The following FOXP1 variants were observed in gnomAD, a reference collection of about 807,000 sequenced individuals.
FOXP1 encodes forkhead box P1, also known as forkhead box protein P1.
Under a neutral mutation model 98.2 loss-of-function variants are expected in FOXP1, and 15 were observed. The ratio of observed to expected loss-of-function variants is 0.15; its 90% CI spans 0.10 to 0.24. FOXP1 has a LOEUF of 0.24. Ranked by LOEUF, FOXP1 falls within the 10% of genes least tolerant of loss-of-function variation. The probability of loss-of-function intolerance (pLI) is 1.00; values close to 1 mark genes in which losing one functional copy is unlikely to be tolerated. For missense variants in FOXP1, 633 were observed against 848.5 expected (o/e 0.75, Z 3.15); for synonymous variants, 371 against 314.5 (o/e 1.18, Z -1.90).
intron 5 of FOXP1, among the ~76,000 whole-genome samples, chr3:71,258,629 AG>A (rs2068836940): frequency 6.6e-6 from 1 of 152,202 alleles, no homozygotes; most frequent in Non-Finnish European, 1.5e-5. Context: ...AGGCAAGGAC[AG>A]GAAGGGCAGA....
In FOXP1 at chr3:70,956,758, TTTTTTTTTTTTTTTTA is replaced by T. The variant is rs2031924958; in HGVS notation, c.*2473_*2488del. The T allele has an allele frequency of 5.2e-6, 1 of 191,390 alleles. No homozygotes were observed. The highest frequency in any genetic ancestry group is 2.8e-5 in the African/African-American group (1 of 36,194). 11.9% of individuals were successfully genotyped at this position (191,390 alleles called of 1,614,324 possible). A position where few individuals can be genotyped will look rare whatever the true frequency, so the allele number is the denominator to read the frequency against. On this transcript the variant is annotated 3_prime_UTR_variant, in exon 21 of 21. Transcript: ENST00000649528. The stretch of plus-strand genomic sequence containing the variant: ...TTTTTTTTTTTTTTTTTTTTTTTTT[TTTTTTTTTTTTTTTTA>T]AAGTCTTGCGTGACCACAGACTGCC...
Position 71,397,017 on chromosome 3 carries a change from T to TAC in FOXP1, c.-167-37774_-167-37773insGT, listed in dbSNP as rs1560425135. Among the ~76,000 whole-genome samples, 28 of 89,304 alleles carry TAC rather than the reference T, an allele frequency of 3.1e-4. 1 individual carries two copies. Among genetic ancestry groups the TAC allele is most frequent in the Non-Finnish European group, 6.1e-4 (28 of 46,216 alleles). The allele number at this position is 89,304 out of a possible 152,430, so 58.6% of individuals were successfully genotyped here. On this transcript the variant is annotated intron_variant, in intron 3 of 20. Transcript: ENST00000649528. ...ATACACATATATATGTGTATATATA[T>TAC]ATATATACATATATATGTGTATATA...
chr3:71,051,294 T>C (rs548770263), intron 9 of FOXP1, among the ~76,000 whole-genome samples: 2 of 152,296 alleles, frequency 1.3e-5, no homozygotes, highest in East Asian at 3.9e-4. Context: ...AGCATTTTCA[T>C]TAAAACACCT....
intron 10 of FOXP1, among the ~76,000 whole-genome samples, chr3:71,043,741 T>C (rs891899285): frequency 1.3e-5 from 2 of 152,194 alleles, no homozygotes; most frequent in African/African-American, 4.8e-5. Context: ...TCCTAACAAC[T>C]GTGTTAACTC....
At chr3:71,277,808 TTTAA>T (rs1391021456) in intron 5 of FOXP1, among the ~76,000 whole-genome samples, 9 of 152,282 alleles carry the variant, frequency 5.9e-5, no homozygotes, top group Non-Finnish European at 8.8e-5. Context: ...GGAGTATTTA[TTTAA>T]TTAATTAATT....
chr3:71,440,493 T>C (rs1052437676), intron 3 of FOXP1, among the ~76,000 whole-genome samples: 3 of 152,062 alleles, frequency 2.0e-5, no homozygotes, highest in East Asian at 3.9e-4. Context: ...CTGGCTGATA[T>C]GGTGAAACCC....
intron 6 of FOXP1, among the ~76,000 whole-genome samples, chr3:71,160,036 A>G (rs1350195025): frequency 6.6e-6 from 1 of 152,238 alleles, no homozygotes; most frequent in Non-Finnish European, 1.5e-5. Flanking sequence ...AGAGGCATTT[A>G]CTGCAGAAGG....
intron 4 of FOXP1, among the ~76,000 whole-genome samples, chr3:71,341,963 G>A (rs1383605589): frequency 1.3e-5 from 2 of 152,202 alleles, no homozygotes; most frequent in Non-Finnish European, 2.9e-5. Flanking sequence ...TGAGGAAACT[G>A]AGATCACATA....
At chr3:71,018,443 C>T (rs996507210) in intron 11 of FOXP1, among the ~76,000 whole-genome samples, 2 of 152,158 alleles carry the variant, frequency 1.3e-5, no homozygotes, top group African/African-American at 4.8e-5. Flanking sequence ...CTTGTTTTCA[C>T]AAGTTCACAT....
At chr3:71,139,632 A>C (rs2059973540) in intron 6 of FOXP1, among the ~76,000 whole-genome samples, 1 of 147,964 alleles carries the variant, frequency 6.8e-6, no homozygotes, top group Admixed American at 6.6e-5. Flanking sequence ...TTCAAGCCCC[A>C]CTGACTTCTG....
chr3:71,018,453 T>G (rs1444576963), intron 11 of FOXP1, among the ~76,000 whole-genome samples: 1 of 152,210 alleles, frequency 6.6e-6, no homozygotes, highest in Non-Finnish European at 1.5e-5. Flanking sequence ...CAAGTTCACA[T>G]ATTAAACTGC....
rs2032306428 is a variant in FOXP1, at chr3:70,958,219, A to G, written c.*1028T>C. On this transcript the variant is annotated 3_prime_UTR_variant, in exon 21 of 21. Transcript: ENST00000649528. ...TGCAAAAAAAAAAAAAGAAAAGAAA[A>G]GAAAAAAAGAAAATCCGAAACACCC... 1 of 475,828 alleles carries G rather than the reference A, an allele frequency of 2.1e-6. No individual in the cohort carries two copies. The allele number at this position is 475,828 out of a possible 1,614,324, so 29.5% of individuals were successfully genotyped here.
chr3:71,391,358 C>T (rs959804554), intron 3 of FOXP1, among the ~76,000 whole-genome samples: 8 of 152,222 alleles, frequency 5.3e-5, no homozygotes, highest in African/African-American at 1.9e-4. Context: ...CAAAGACTGC[C>T]TTTCTTTCCA....
chr3:71,354,165 A>T (rs76356130), intron 4 of FOXP1, among the ~76,000 whole-genome samples: 2 of 151,340 alleles, frequency 1.3e-5, no homozygotes, highest in South Asian at 2.1e-4. Flanking sequence ...AAAAAAAAAA[A>T]ATACTAGGGA....
chr3:70,997,151 G>A (rs909256304), intron 13 of FOXP1, among the ~76,000 whole-genome samples: 1 of 152,204 alleles, frequency 6.6e-6, no homozygotes, highest in Admixed American at 6.5e-5. Context: ...CCAGTCAGTG[G>A]CTGAGAGAAC....
At chr3:71,320,990 C>A (rs1034363865) in intron 4 of FOXP1, among the ~76,000 whole-genome samples, 8 of 151,944 alleles carry the variant, frequency 5.3e-5, no homozygotes, top group Non-Finnish European at 1.0e-4. Context: ...TGATACAGTG[C>A]AAAGGAAATA....
chr3:71,312,454 A>C (rs2074760498), intron 4 of FOXP1, among the ~76,000 whole-genome samples: 1 of 152,248 alleles, frequency 6.6e-6, no homozygotes, highest in Non-Finnish European at 1.5e-5. Context: ...TGCTTACTTC[A>C]TTAAAGGTGG....
chr3:71,404,120 CTTTTTTT>C lies in FOXP1; in HGVS notation c.-167-44883_-167-44877del, dbSNP rs869086663. Among the ~76,000 whole-genome samples the C allele has an allele frequency of 2.1e-4, 13 of 62,712 alleles. No individual in the cohort carries two copies. In the South Asian group the frequency reaches 2.5e-3, roughly 12 times the overall value. The allele number at this position is 62,712 out of a possible 152,430, so 41.1% of individuals were successfully genotyped here. On this transcript the variant is annotated intron_variant, in intron 3 of 20. Transcript: ENST00000649528. Reference sequence around the variant, plus strand: ...ATTGGGGTTTTTTTCTTTTCTTTTTCTTTTTTTTTTTTTTTTTTTTTTTTGAGATGGA... The same window carrying C: ...ATTGGGGTTTTTTTCTTTTCTTTTTCTTTTTTTTTTTTTTTTTGAGATGGA...
intron 2 of FOXP1, among the ~76,000 whole-genome samples, chr3:71,524,677 T>A (rs1578005867): frequency 6.6e-6 from 1 of 152,176 alleles, no homozygotes; most frequent in East Asian, 1.9e-4. Flanking sequence ...ACATGCAGGC[T>A]AGGAAGACAA....
Sources: allele counts gnomAD v4.1 joint callset (sites outside exome capture counted in the v4.1 genomes callset), GRCh38; gene constraint gnomAD v4.1.1; transcripts MANE v1.5; gene names NCBI Gene and HGNC (gene_info 2026-07-23, HGNC 2026-07-21).